Variants in MRPS28 observed in about 807,000 individuals in gnomAD.
MRPS28 encodes small ribosomal subunit protein bS1m.
Under a neutral mutation model 10.8 loss-of-function variants are expected in MRPS28, and 7 were observed. The observed-to-expected ratio is 0.65, with a 90% CI of 0.37 to 1.22. The LOEUF (loss-of-function observed/expected upper bound fraction) is 1.22. MRPS28 is among the 50% of genes most tolerant of loss of function. The probability of loss-of-function intolerance (pLI) is 0.02; values close to 1 mark genes in which losing one functional copy is unlikely to be tolerated. For synonymous variants in MRPS28, 121 were observed against 93.3 expected, an observed-to-expected ratio of 1.30 and a Z score of -1.71; for missense variants, 265 against 232.9, an observed-to-expected ratio of 1.14 and a Z score of -0.90.
intron 2 of MRPS28, among the ~76,000 whole-genome samples, chr8:80,000,659 T>C (rs1243161560): frequency 2.0e-5 from 3 of 152,218 alleles, no homozygotes; most frequent in East Asian, 1.9e-4. Context: ...AAAGCTATAC[T>C]ACACATAAAA....
rs570188017 is a variant in MRPS28 at position 79,986,211 on chromosome 8, T to A, written c.395+16788A>T. On this transcript the variant is annotated intron_variant, in intron 2 of 2. Coordinates refer to ENST00000276585, the MANE Select transcript of MRPS28 (RefSeq NM_014018.3). Reference sequence around the variant, plus strand: ...TCTCAATAGATGCAGAAAAGGCCTTTGACAAAAATCAACAACCCTTCATGC... The same window carrying A: ...TCTCAATAGATGCAGAAAAGGCCTTAGACAAAAATCAACAACCCTTCATGC... 1.1e-4 allele frequency among the ~76,000 whole-genome samples: 17 copies of A among 152,334 alleles called. 1 individual carries two copies. In the South Asian group the frequency reaches 2.3e-3, roughly 20 times the overall value.
intron 2 of MRPS28, among the ~76,000 whole-genome samples, chr8:79,965,922 C>T (rs1343908688): frequency 6.6e-6 from 1 of 151,932 alleles, no homozygotes; most frequent in East Asian, 1.9e-4. Flanking sequence ...TTTAAAAGTT[C>T]ATTTCATAAG....
At chr8:80,029,917 A>G in intron 1 of MRPS28, 119 bp downstream of exon 1, 3 of 1,536,290 alleles carry the variant, frequency 2.0e-6, no homozygotes, top group Non-Finnish European at 2.6e-6. Context: ...CAACTCCGGA[A>G]AACTGGGCCC....
At chr8:79,964,672 AT>A (rs1206967403) in intron 2 of MRPS28, among the ~76,000 whole-genome samples, 5 of 152,130 alleles carry the variant, frequency 3.3e-5, no homozygotes, top group African/African-American at 7.2e-5. Context: ...TAAAAAAAAA[AT>A]AACTGAGATA....
intron 1 of MRPS28, among the ~76,000 whole-genome samples, chr8:80,019,184 T>A (rs1275522552): frequency 6.6e-6 from 1 of 151,620 alleles, no homozygotes; most frequent in African/African-American, 2.4e-5. Context: ...TATTTAAAAA[T>A]AACTAAAAGA....
intron 2 of MRPS28, among the ~76,000 whole-genome samples, chr8:79,999,533 G>A (rs925759740): frequency 6.6e-5 from 10 of 152,174 alleles, no homozygotes; most frequent in African/African-American, 2.2e-4. Context: ...GCATTTCTAC[G>A]TGTACAAATG....
At chr8:79,923,258 G>A (rs1810140935) in intron 2 of MRPS28, among the ~76,000 whole-genome samples, 1 of 152,186 alleles carries the variant, frequency 6.6e-6, no homozygotes, top group South Asian at 2.1e-4. Flanking sequence ...CTGGCCTAAT[G>A]CCACACAGTG....
At chr8:79,982,015 G>C (rs1257135511) in intron 2 of MRPS28, among the ~76,000 whole-genome samples, 2 of 152,208 alleles carry the variant, frequency 1.3e-5, no homozygotes, top group African/African-American at 4.8e-5. Context: ...GGGGGGCCAA[G>C]GCAGGTGGAT....
chr8:80,023,226 T>C (rs1161987855), intron 1 of MRPS28, among the ~76,000 whole-genome samples: 1 of 152,216 alleles, frequency 6.6e-6, no homozygotes, highest in Non-Finnish European at 1.5e-5. Context: ...AGAAACATTT[T>C]CCATCATTCC....
intron 2 of MRPS28, among the ~76,000 whole-genome samples, chr8:79,995,424 T>C (rs73257816): frequency 1.1e-3 from 165 of 152,290 alleles, no homozygotes; most frequent in East Asian, 3.5e-3. Context: ...ACTATAAGAA[T>C]TGGTACCATC....
chr8:80,025,723 A>G (rs979857363), intron 1 of MRPS28, among the ~76,000 whole-genome samples: 3 of 152,236 alleles, frequency 2.0e-5, no homozygotes, highest in African/African-American at 7.2e-5. Flanking sequence ...TAATGAATTC[A>G]TTGAATCTCA....
At chr8:79,934,101 G>A (rs1337604222) in intron 2 of MRPS28, among the ~76,000 whole-genome samples, 1 of 152,176 alleles carries the variant, frequency 6.6e-6, no homozygotes, top group African/African-American at 2.4e-5. Flanking sequence ...GTAAATGAAT[G>A]TTGGTTTAAT....
intron 2 of MRPS28, among the ~76,000 whole-genome samples, chr8:79,966,307 T>C (rs1213266940): frequency 1.3e-5 from 2 of 151,974 alleles, no homozygotes; most frequent in East Asian, 1.9e-4. Flanking sequence ...GCCTAGAATA[T>C]GAAAATTCTA....
At chr8:79,938,853 A>C (rs988105348) in intron 2 of MRPS28, among the ~76,000 whole-genome samples, 11 of 152,244 alleles carry the variant, frequency 7.2e-5, no homozygotes, top group African/African-American at 2.4e-4. Context: ...AATTTGATCA[A>C]ACAAATAAAT....
chr8:79,976,505 G>C (rs1026146184), intron 2 of MRPS28, among the ~76,000 whole-genome samples: 3 of 152,152 alleles, frequency 2.0e-5, no homozygotes, highest in African/African-American at 7.2e-5. Flanking sequence ...AAGAGTTCAA[G>C]ACCAGTCTGG....
intron 2 of MRPS28, among the ~76,000 whole-genome samples, chr8:79,944,766 T>C (rs1363203516): frequency 1.3e-5 from 2 of 150,122 alleles, no homozygotes; most frequent in African/African-American, 4.9e-5. Flanking sequence ...CACAATCTCA[T>C]CTCACTGCAA....
chr8:79,958,882 T>C (rs1807298528), intron 2 of MRPS28, among the ~76,000 whole-genome samples: 1 of 152,184 alleles, frequency 6.6e-6, no homozygotes, highest in African/African-American at 2.4e-5. Context: ...TAACTGAGTT[T>C]AGTAAGAATT....
At chr8:79,930,609 A>C (rs1806436531) in intron 2 of MRPS28, among the ~76,000 whole-genome samples, 1 of 152,204 alleles carries the variant, frequency 6.6e-6, no homozygotes, top group South Asian at 2.1e-4. Flanking sequence ...TTAAATCTTG[A>C]GGAGCAGGAT....
chr8:79,976,068 CTGTTGT>C (rs973484672), intron 2 of MRPS28, among the ~76,000 whole-genome samples: 1 of 151,350 alleles, frequency 6.6e-6, no homozygotes, highest in Non-Finnish European at 1.5e-5. Context: ...TGGCAGATTT[CTGTTGT>C]TGTTAAGAAT....
Sources: allele counts gnomAD v4.1 joint callset (sites outside exome capture counted in the v4.1 genomes callset), GRCh38; gene constraint gnomAD v4.1.1; transcripts MANE v1.5; gene names NCBI Gene and HGNC (gene_info 2026-07-23, HGNC 2026-07-21).